Variants in PEMT observed in about 807,000 individuals in gnomAD.
The protein encoded by PEMT is phosphatidylethanolamine N-methyltransferase, also known as phospholipid methyltransferase.
In PEMT, 23 loss-of-function variants were observed where a neutral mutation model predicts 27.4. The ratio of observed to expected loss-of-function variants is 0.84; its 90% CI spans 0.60 to 1.19. The LOEUF is 1.19. PEMT is among the 50% of genes most tolerant of loss of function. The pLI is 0.00. For synonymous variants in PEMT, 137 were observed against 139.1 expected (o/e 0.98, Z 0.11); for missense variants, 307 against 310.1 (o/e 0.99, Z 0.07).
intron 3 of PEMT, among the ~76,000 whole-genome samples, chr17:17,514,481 C>T (rs1906652435): frequency 6.6e-6 from 1 of 152,204 alleles, no homozygotes; most frequent in South Asian, 2.1e-4. Flanking sequence ...CCACCAGGAC[C>T]CGGTGGCAGA....
In PEMT at chr17:17,523,251, C is replaced by T. The variant is rs1386445442; in HGVS notation, c.205-856G>A. Among the ~76,000 whole-genome samples the T allele has an allele frequency of 6.6e-6, 1 of 152,172 alleles. No homozygotes were observed. Among genetic ancestry groups the T allele is most frequent in the African/African-American group, 2.4e-5 (1 of 41,440 alleles). On this transcript the variant is annotated intron_variant, in intron 2 of 6. Transcript: ENST00000255389. The surrounding 1 kb of genome is among the most constrained non-coding windows in gnomAD (Gnocchi z 4.8). Reference sequence around the variant, plus strand: ...AAGTTGTCTGTGGGCCCAGAGTAGGCGCCTGTGTGTGCACAGGAAGAGCCT... The same window carrying T: ...AAGTTGTCTGTGGGCCCAGAGTAGGTGCCTGTGTGTGCACAGGAAGAGCCT...
intron 1 of PEMT, 178 bp downstream of exon 1, chr17:17,591,347 GCACACA>G: frequency 5.2e-6 from 3 of 575,836 alleles, no homozygotes; most frequent in Non-Finnish European, 9.2e-6. Context: ...GCGCGCACAC[GCACACA>G]CACAGACACC....
chr17:17,585,003 G>T (rs1912168598), intron 1 of PEMT, among the ~76,000 whole-genome samples: 1 of 152,244 alleles, frequency 6.6e-6, no homozygotes. Flanking sequence ...ATCGAGTCCT[G>T]GTGACAACCC....
chr17:17,551,897 T>A (rs1305331787), intron 2 of PEMT, among the ~76,000 whole-genome samples: 1 of 152,118 alleles, frequency 6.6e-6, no homozygotes, highest in Admixed American at 6.5e-5. Flanking sequence ...CAAAAAAACT[T>A]CAGGCATTTA....
At chr17:17,581,896 G>A (rs1228542179) in intron 1 of PEMT, among the ~76,000 whole-genome samples, 3 of 152,104 alleles carry the variant, frequency 2.0e-5, no homozygotes, top group Non-Finnish European at 2.9e-5. Context: ...CCAGCTCCCC[G>A]ATCCCCACTC....
At chr17:17,525,353 T>C (rs906175817) in intron 2 of PEMT, among the ~76,000 whole-genome samples, 2 of 152,194 alleles carry the variant, frequency 1.3e-5, no homozygotes, top group South Asian at 4.1e-4. Context: ...TGGTATTCGA[T>C]GGGGCTGTTA....
At chr17:17,533,281 T>C (rs936201393) in intron 2 of PEMT, among the ~76,000 whole-genome samples, 1 of 152,206 alleles carries the variant, frequency 6.6e-6, no homozygotes, top group Non-Finnish European at 1.5e-5. Context: ...GATATTCACA[T>C]GCAAAAGAAT....
At chr17:17,580,641 C>G (rs1911919839) in intron 1 of PEMT, among the ~76,000 whole-genome samples, 1 of 152,188 alleles carries the variant, frequency 6.6e-6, no homozygotes, top group Non-Finnish European at 1.5e-5. Flanking sequence ...TGCATGTGCA[C>G]AGCAGACCCT....
At chr17:17,517,212 C>T (rs1281439237) in intron 3 of PEMT, among the ~76,000 whole-genome samples, 3 of 152,204 alleles carry the variant, frequency 2.0e-5, no homozygotes, top group Non-Finnish European at 2.9e-5. Flanking sequence ...ACCCCGCCCC[C>T]GCATCCAGCC....
chr17:17,579,601 C>A (rs1470178595), intron 1 of PEMT, among the ~76,000 whole-genome samples: 3 of 152,150 alleles, frequency 2.0e-5, no homozygotes, highest in African/African-American at 7.2e-5. Flanking sequence ...TTACTTGAAC[C>A]CGGGAGGTGG....
intron 2 of PEMT, among the ~76,000 whole-genome samples, chr17:17,571,675 G>C (rs1257009854): frequency 6.6e-6 from 1 of 151,956 alleles, no homozygotes; most frequent in African/African-American, 2.4e-5. Context: ...CAGCTCCCCA[G>C]GAGTCCAGAC....
At chr17:17,555,128 T>G (rs1909959386) in intron 2 of PEMT, among the ~76,000 whole-genome samples, 1 of 152,076 alleles carries the variant, frequency 6.6e-6, no homozygotes, top group Non-Finnish European at 1.5e-5. Context: ...ACTCCCACTA[T>G]GCCCATTTAA....
intron 2 of PEMT, among the ~76,000 whole-genome samples, chr17:17,557,462 G>A (rs150973425): frequency 2.6e-5 from 4 of 152,344 alleles, no homozygotes; most frequent in African/African-American, 9.6e-5. Flanking sequence ...AGCCAGGTGT[G>A]TGGTTGAGAA....
chr17:17,530,076 G>A (rs1450317247), intron 2 of PEMT, among the ~76,000 whole-genome samples: 4 of 152,204 alleles, frequency 2.6e-5, no homozygotes, highest in Admixed American at 2.6e-4. Flanking sequence ...TTTTCAAAAA[G>A]CAACAGGGGA....
At chr17:17,538,790 C>T (rs1378780872) in intron 2 of PEMT, among the ~76,000 whole-genome samples, 2 of 152,176 alleles carry the variant, frequency 1.3e-5, no homozygotes, top group South Asian at 2.1e-4. Context: ...TAGCACAAAG[C>T]GTGATCCGCC....
rs1002664737 is a variant in PEMT at position 17,505,615 on chromosome 17, A to G, written c.*176T>C. ...ATGGGAATGTGTGGGTTGGAGCTCA[A>G]TGGCCATATGTCGGCACGTCCAGGG... is the stretch of plus-strand genomic sequence containing the variant. On this transcript the variant is annotated 3_prime_UTR_variant, in exon 7 of 7. Transcript: ENST00000255389. 1.1e-5 allele frequency: 6 copies of G among 548,654 alleles called. No homozygotes were observed. Among genetic ancestry groups the G allele is most frequent in the Middle Eastern group, 5.0e-4 (1 of 2,010 alleles). The allele number at this position is 548,654 out of a possible 1,614,324, so 34.0% of individuals were successfully genotyped here.
At chr17:17,522,830 G>C (rs1413078916) in intron 2 of PEMT, among the ~76,000 whole-genome samples, 1 of 152,168 alleles carries the variant, frequency 6.6e-6, no homozygotes, top group Non-Finnish European at 1.5e-5. Flanking sequence ...AGGAGCACGC[G>C]GCCTTCAGAG....
At chr17:17,549,547 C>T (rs1909503893) in intron 2 of PEMT, among the ~76,000 whole-genome samples, 1 of 152,212 alleles carries the variant, frequency 6.6e-6, no homozygotes, top group Non-Finnish European at 1.5e-5. Flanking sequence ...CCCAAGCAAT[C>T]CACCTGCCTC....
At chr17:17,515,119 G>A (rs909442595) in intron 3 of PEMT, among the ~76,000 whole-genome samples, 2 of 152,184 alleles carry the variant, frequency 1.3e-5, no homozygotes, top group South Asian at 2.1e-4. Flanking sequence ...CACTCTGGAC[G>A]GAGACTCTGT....
Sources: allele counts gnomAD v4.1 joint callset (sites outside exome capture counted in the v4.1 genomes callset), GRCh38; gene constraint gnomAD v4.1.1; non-coding constraint Gnocchi (gnomAD v3.1); transcripts MANE v1.5; gene names NCBI Gene and HGNC (gene_info 2026-07-23, HGNC 2026-07-21).